Variants in MAP3K5 observed in about 807,000 individuals in gnomAD.
MAP3K5 encodes ASK-1.
Under a neutral mutation model 158.7 loss-of-function variants are expected in MAP3K5, and 56 were observed. The ratio of observed to expected loss-of-function variants is 0.35; its 90% CI spans 0.28 to 0.44. The LOEUF (loss-of-function observed/expected upper bound fraction) is 0.44, where lower values mean the gene tolerates loss of function less well. Ranked by LOEUF, MAP3K5 falls within the 20% of genes least tolerant of loss-of-function variation. The probability of loss-of-function intolerance (pLI) is 1.00; values close to 1 mark genes in which losing one functional copy is unlikely to be tolerated. For synonymous variants in MAP3K5, 579 were observed against 601.7 expected, an observed-to-expected ratio of 0.96 and a Z score of 0.55; for missense variants, 1,294 against 1,674.8, an observed-to-expected ratio of 0.77 and a Z score of 3.97.
chr6:136,700,225 T>C (rs1262422933), intron 3 of MAP3K5, among the ~76,000 whole-genome samples: 1 of 152,098 alleles, frequency 6.6e-6, no homozygotes, highest in Non-Finnish European at 1.5e-5. Context: ...AAACTGTGCA[T>C]TTTGGCAGCC....
chr6:136,758,012 A>C (rs1454558296), intron 1 of MAP3K5, among the ~76,000 whole-genome samples: 1 of 152,254 alleles, frequency 6.6e-6, no homozygotes, highest in Non-Finnish European at 1.5e-5. Context: ...TATTAGAACT[A>C]AATAGCCTTT....
intron 1 of MAP3K5, among the ~76,000 whole-genome samples, chr6:136,769,810 AGGGGAC>A (rs1188588890): frequency 0.016 from 416 of 25,908 alleles, no homozygotes; most frequent in Non-Finnish European, 0.02. Flanking sequence ...GGAGGGAGGG[AGGGGAC>A]GGGAGGGAGG....
intron 3 of MAP3K5, among the ~76,000 whole-genome samples, chr6:136,703,275 C>A (rs764441637): frequency 4.6e-5 from 7 of 152,222 alleles, no homozygotes; most frequent in Non-Finnish European, 1.0e-4. Context: ...TTTTATCAGC[C>A]TGCTTCTCCA....
intron 23 of MAP3K5, among the ~76,000 whole-genome samples, chr6:136,590,476 A>C (rs752279816): frequency 1.3e-5 from 2 of 151,908 alleles, no homozygotes; most frequent in Non-Finnish European, 2.9e-5. Context: ...CCTTGATGAG[A>C]AAAAAAAGAA....
At chr6:136,733,106 C>A (rs1782297674) in intron 1 of MAP3K5, among the ~76,000 whole-genome samples, 1 of 152,098 alleles carries the variant, frequency 6.6e-6, no homozygotes, top group Non-Finnish European at 1.5e-5. Context: ...CTCAAGCGAT[C>A]CTCCCACCTC....
At chr6:136,677,130 C>A (rs1376904227) in intron 7 of MAP3K5, among the ~76,000 whole-genome samples, 1 of 140,562 alleles carries the variant, frequency 7.1e-6, no homozygotes, top group African/African-American at 2.8e-5. Flanking sequence ...ATGATGATAT[C>A]CATTTTTTTT....
Position 136,669,319 on chromosome 6 carries a change from G to T in MAP3K5, c.1330C>A (p.His444Asn). 6.2e-7 allele frequency: 1 copy of T among 1,613,726 alleles called. No homozygotes were observed. Residue 444 changes from histidine to asparagine, a missense_variant, in exon 8 of 30, where the codon CAC (histidine) becomes AAC (asparagine). Transcript: ENST00000359015. The part of the protein sequence containing the change: ...NYAVLLLAAG[H>N]QFESSFELRK... Reference sequence around the variant, plus strand: ...AGCTCAAAGGAAGATTCAAACTGGTGTCCAGCTGCCAGGAGGAGGACCGCA... The same window carrying T: ...AGCTCAAAGGAAGATTCAAACTGGTTTCCAGCTGCCAGGAGGAGGACCGCA...
chr6:136,740,621 AAAAG>A (rs1176649593), intron 1 of MAP3K5, among the ~76,000 whole-genome samples: 1 of 152,240 alleles, frequency 6.6e-6, no homozygotes, highest in Non-Finnish European at 1.5e-5. Context: ...ACAATAAAAA[AAAAG>A]AAAGATTTAA....
At chr6:136,766,487 T>C (rs936904678) in intron 1 of MAP3K5, among the ~76,000 whole-genome samples, 3 of 152,236 alleles carry the variant, frequency 2.0e-5, no homozygotes, top group African/African-American at 7.2e-5. Context: ...AGTTCTGACG[T>C]CTTCCCTTCA....
At chr6:136,620,421 A>G (rs1176078889) in intron 15 of MAP3K5, among the ~76,000 whole-genome samples, 1 of 152,200 alleles carries the variant, frequency 6.6e-6, no homozygotes, top group Non-Finnish European at 1.5e-5. Flanking sequence ...CCCTGGTTCT[A>G]AAATAAAAGT....
intron 27 of MAP3K5, among the ~76,000 whole-genome samples, chr6:136,562,113 A>T (rs1830542334): frequency 6.6e-6 from 1 of 152,228 alleles, no homozygotes; most frequent in South Asian, 2.1e-4. Flanking sequence ...CTACATCTTT[A>T]TTCTATTTAA....
At chr6:136,784,155 G>A (rs1195601159) in intron 1 of MAP3K5, among the ~76,000 whole-genome samples, 2 of 152,236 alleles carry the variant, frequency 1.3e-5, no homozygotes, top group South Asian at 2.1e-4. Flanking sequence ...GAACCAGCTC[G>A]AACTACCAAC....
At chr6:136,773,959 C>T (rs139770347) in intron 1 of MAP3K5, among the ~76,000 whole-genome samples, 96 of 152,240 alleles carry the variant, frequency 6.3e-4, no homozygotes, top group Non-Finnish European at 1.1e-3. Context: ...CATGCCCCGC[C>T]GTCCATCTTT....
intron 1 of MAP3K5, among the ~76,000 whole-genome samples, chr6:136,758,898 C>A (rs150355264): frequency 4.0e-4 from 61 of 152,348 alleles, no homozygotes; most frequent in Non-Finnish European, 8.1e-4. Flanking sequence ...TTTGGCCAGG[C>A]ATGGCGGCTC....
intron 11 of MAP3K5, chr6:136,647,963 A>G (rs1470703414): frequency 1.3e-5 from 2 of 152,230 alleles, no homozygotes; most frequent in Non-Finnish European, 2.9e-5. Context: ...CTCTACCATC[A>G]TCTCAACAGT....
intron 21 of MAP3K5, among the ~76,000 whole-genome samples, chr6:136,593,904 A>C (rs944307302): frequency 2.0e-5 from 3 of 152,080 alleles, no homozygotes; most frequent in Non-Finnish European, 4.4e-5. Context: ...CCCTGATCTC[A>C]AGGATAGGGG....
chr6:136,568,497 T>C (rs1774218834), intron 25 of MAP3K5, among the ~76,000 whole-genome samples: 1 of 152,206 alleles, frequency 6.6e-6, no homozygotes, highest in Non-Finnish European at 1.5e-5. Context: ...GACTAACCAT[T>C]GAAATTTAAA....
intron 1 of MAP3K5, among the ~76,000 whole-genome samples, chr6:136,744,380 C>CAT (rs146711750): frequency 0.071 from 10,788 of 151,454 alleles, 1,232 homozygotes; most frequent in African/African-American, 0.24. Context: ...TACATATATA[C>CAT]ATATATATAT....
At chr6:136,608,920 T>C (rs1776215114) in intron 18 of MAP3K5, among the ~76,000 whole-genome samples, 1 of 152,150 alleles carries the variant, frequency 6.6e-6, no homozygotes, top group Non-Finnish European at 1.5e-5. Context: ...ACCTGGGACT[T>C]AGTGACCACC....
Sources: allele counts gnomAD v4.1 joint callset (sites outside exome capture counted in the v4.1 genomes callset), GRCh38; gene constraint gnomAD v4.1.1; transcripts MANE v1.5; gene names NCBI Gene and HGNC (gene_info 2026-07-23, HGNC 2026-07-21).